Variants in STK32B observed in about 807,000 individuals in gnomAD.
The protein encoded by STK32B is serine/threonine kinase 32B.
In STK32B, 43 loss-of-function variants were observed where a neutral mutation model predicts 52.6. The ratio of observed to expected loss-of-function variants is 0.82; its 90% CI spans 0.64 to 1.05. STK32B has a LOEUF of 1.05. Among genes scored for constraint, STK32B ranks in the 50% least tolerant of loss-of-function variants. The pLI, the probability that STK32B is intolerant of heterozygous loss-of-function variation, is 0.00. For synonymous variants in STK32B, 238 were observed against 204.3 expected, an observed-to-expected ratio of 1.17 and a Z score of -1.41; for missense variants, 621 against 534.6, an observed-to-expected ratio of 1.16 and a Z score of -1.59.
At chr4:5,238,051 T>C (rs1194031015) in intron 3 of STK32B, among the ~76,000 whole-genome samples, 1 of 152,340 alleles carries the variant, frequency 6.6e-6, no homozygotes, top group African/African-American at 2.4e-5. Flanking sequence ...TCACATTCTA[T>C]GATTGTGATT....
At chr4:5,079,682 T>C (rs371847268) in intron 1 of STK32B, among the ~76,000 whole-genome samples, 16 of 152,172 alleles carry the variant, frequency 1.1e-4, no homozygotes, top group East Asian at 3.9e-4. Flanking sequence ...TTGATTACTC[T>C]TCCACCCCTC....
At chr4:5,163,927 C>T (rs1376067510) in intron 2 of STK32B, among the ~76,000 whole-genome samples, 4 of 152,188 alleles carry the variant, frequency 2.6e-5, no homozygotes, top group Admixed American at 1.3e-4. Context: ...CCTGTGTTTC[C>T]TGCTCCTCCG....
chr4:5,135,115 T>A (rs1715997759), intron 1 of STK32B, among the ~76,000 whole-genome samples: 1 of 152,230 alleles, frequency 6.6e-6, no homozygotes, highest in Admixed American at 6.5e-5. Flanking sequence ...GAATATTTTG[T>A]CATGATTTAA....
chr4:5,286,128 A>G (rs2108877277), intron 3 of STK32B, among the ~76,000 whole-genome samples: 1 of 152,292 alleles, frequency 6.6e-6, no homozygotes, highest in South Asian at 2.1e-4. Context: ...CAGAACTATG[A>G]GAAAATAAAT....
At chr4:5,291,483 C>G (rs1728888844) in intron 3 of STK32B, among the ~76,000 whole-genome samples, 1 of 152,006 alleles carries the variant, frequency 6.6e-6, no homozygotes, top group Non-Finnish European at 1.5e-5. Flanking sequence ...AGAAATACAG[C>G]TGATTTTTTG....
chr4:5,376,390 T>G (rs1177024320), intron 4 of STK32B, among the ~76,000 whole-genome samples: 2 of 151,782 alleles, frequency 1.3e-5, no homozygotes, highest in East Asian at 3.9e-4. Flanking sequence ...CAGGACACTT[T>G]CTCTCTCTCT....
chr4:5,480,942 A>G lies in STK32B; in HGVS notation c.1106+12872A>G, dbSNP rs1379008343. ...ATTTTTTATGGCTGCATAGTATTCT[A>G]TGGTGTATATGTGCCACATTCCTTT... On this transcript the variant is annotated intron_variant, in intron 11 of 11. Transcript: ENST00000282908. Among the ~76,000 whole-genome samples, 7 of 152,242 alleles carry G rather than the reference A, an allele frequency of 4.6e-5. No homozygotes were observed. In the East Asian group the frequency reaches 5.8e-4, roughly 13 times the overall value.
At chr4:5,085,612 G>T (rs1712691427) in intron 1 of STK32B, among the ~76,000 whole-genome samples, 1 of 152,148 alleles carries the variant, frequency 6.6e-6, no homozygotes, top group Admixed American at 6.5e-5. Context: ...TAGTGAAAAT[G>T]GCCGAGTAAG....
intron 3 of STK32B, among the ~76,000 whole-genome samples, chr4:5,269,007 A>C (rs1727238188): frequency 6.6e-6 from 1 of 152,078 alleles, no homozygotes; most frequent in Non-Finnish European, 1.5e-5. Flanking sequence ...GTGACTCTGG[A>C]AGCAGGAACT....
chr4:5,212,785 G>A (rs2108787828), intron 3 of STK32B, among the ~76,000 whole-genome samples: 1 of 152,302 alleles, frequency 6.6e-6, no homozygotes, highest in South Asian at 2.1e-4. Context: ...GGGGCTGCTG[G>A]CTGTAAGTAT....
chr4:5,233,468 T>C (rs1724415047), intron 3 of STK32B, among the ~76,000 whole-genome samples: 1 of 152,002 alleles, frequency 6.6e-6, no homozygotes, highest in South Asian at 2.1e-4. Context: ...AGCAGAGTGC[T>C]TAAAGGACTG....
chr4:5,124,957 T>C (rs1249532730), intron 1 of STK32B, among the ~76,000 whole-genome samples: 2 of 152,182 alleles, frequency 1.3e-5, no homozygotes, highest in East Asian at 1.9e-4. Flanking sequence ...ACAGGAACTC[T>C]CTCAAAGCAG....
At chr4:5,228,899 G>A (rs576071035) in intron 3 of STK32B, among the ~76,000 whole-genome samples, 117 of 152,176 alleles carry the variant, frequency 7.7e-4, no homozygotes, top group Admixed American at 3.3e-3. Flanking sequence ...CCCAGGAGTC[G>A]GAGGGTGCAG....
chr4:5,097,026 C>G (rs1454564988), intron 1 of STK32B, among the ~76,000 whole-genome samples: 2 of 152,188 alleles, frequency 1.3e-5, no homozygotes, highest in African/African-American at 4.8e-5. Context: ...TTATCCAACT[C>G]ACAAGAGGCA....
chr4:5,419,518 A>G (rs1712449888), intron 6 of STK32B, among the ~76,000 whole-genome samples: 1 of 152,208 alleles, frequency 6.6e-6, no homozygotes, highest in Admixed American at 6.5e-5. Flanking sequence ...ACAAACTCCT[A>G]CCAGCTTCAG....
intron 6 of STK32B, 83 bp downstream of exon 6, chr4:5,417,017 T>C (rs1712222901): frequency 8.0e-7 from 1 of 1,254,240 alleles, no homozygotes; most frequent in Non-Finnish European, 1.1e-6. Flanking sequence ...CATCTGCCAC[T>C]GCCCGCTGCC....
chr4:5,434,027 G>A lies in STK32B; in HGVS notation c.563-12646G>A, dbSNP rs144171059. 2.5e-3 allele frequency among the ~76,000 whole-genome samples: 380 copies of A among 152,288 alleles called. 2 individuals carry two copies. The highest frequency in any genetic ancestry group is 0.014 in the Middle Eastern group (4 of 294). On this transcript the variant is annotated intron_variant, in intron 6 of 11. Transcript: ENST00000282908. ...CTTTTCATTTCAAACTTTCATTGGC[G>A]GAATTGCTCAACCACTGGTAGAGAT...
At chr4:5,221,854 C>CAAAAAAAA (rs35134769) in intron 3 of STK32B, among the ~76,000 whole-genome samples, 1 of 81,132 alleles carries the variant, frequency 1.2e-5, no homozygotes, top group African/African-American at 4.9e-5. Flanking sequence ...GACTCTGTCT[C>CAAAAAAAA]AAAAAAAAAA....
At chr4:5,482,597 G>C (rs939646445) in intron 11 of STK32B, among the ~76,000 whole-genome samples, 1 of 152,090 alleles carries the variant, frequency 6.6e-6, no homozygotes, top group South Asian at 2.1e-4. Flanking sequence ...CTGCCTGATT[G>C]CCCTGGCCAG....
Sources: gnomAD v4.1 joint callset for allele counts (sites outside exome capture counted in the v4.1 genomes callset) on GRCh38, gnomAD v4.1.1 for gene constraint, MANE v1.5 for transcripts, NCBI Gene and HGNC (gene_info 2026-07-23, HGNC 2026-07-21) for gene names.